QTMAN: variants seen among roughly 807,000 people sequenced by gnomAD.
QTMAN encodes the protein queuosine-tRNA mannosyltransferase.
chr2:144,239,451 ATC>A, the QTMAN span, among the ~76,000 whole-genome samples: 1 of 152,016 alleles, frequency 6.6e-6, no homozygotes, highest in South Asian at 2.1e-4. Flanking sequence ...TTTCTATGAC[ATC>A]TGTCATCTCA....
At chr2:144,303,939 A>G in the QTMAN span, among the ~76,000 whole-genome samples, 2 of 152,242 alleles carry the variant, frequency 1.3e-5, no homozygotes, top group Admixed American at 1.3e-4. Context: ...TCAGAGTTTT[A>G]GGAAGCCTGA....
At chr2:143,966,099 C>T in the QTMAN span, among the ~76,000 whole-genome samples, 1 of 152,128 alleles carries the variant, frequency 6.6e-6, no homozygotes, top group South Asian at 2.1e-4. Flanking sequence ...GTTATCAACT[C>T]CTGCTTTCTT....
the QTMAN span, among the ~76,000 whole-genome samples, chr2:144,328,910 G>A: frequency 6.6e-6 from 1 of 152,150 alleles, no homozygotes; most frequent in Admixed American, 6.5e-5. Context: ...AAAGAATGGA[G>A]TGTTGGTTTG....
chr2:144,048,870 A>G, the QTMAN span, among the ~76,000 whole-genome samples: 3 of 152,172 alleles, frequency 2.0e-5, no homozygotes, highest in African/African-American at 4.8e-5. Flanking sequence ...AAACATTTTC[A>G]CATAGGAACA....
At chr2:144,189,865 AC>A in the QTMAN span, among the ~76,000 whole-genome samples, 1 of 151,870 alleles carries the variant, frequency 6.6e-6, no homozygotes, top group Non-Finnish European at 1.5e-5. Flanking sequence ...CAGGTGATCC[AC>A]CCAACTCAGC....
At chr2:144,227,984 T>A in the QTMAN span, among the ~76,000 whole-genome samples, 1 of 152,190 alleles carries the variant, frequency 6.6e-6, no homozygotes, top group African/African-American at 2.4e-5. Context: ...AAACATCCCT[T>A]TCTAAAGAAA....
the QTMAN span, among the ~76,000 whole-genome samples, chr2:144,194,534 AT>A: frequency 6.6e-6 from 1 of 152,362 alleles, no homozygotes; most frequent in Admixed American, 6.5e-5. Flanking sequence ...GTAAGTTGGG[AT>A]TAGTCAGTAC....
chr2:144,177,004 G>A, the QTMAN span: 54 of 619,094 alleles, frequency 8.7e-5, no homozygotes, highest in Non-Finnish European at 1.7e-5. Flanking sequence ...GTCAGAGCAG[G>A]ACAAAGAGAG....
chr2:144,318,301 A>T, the QTMAN span, among the ~76,000 whole-genome samples: 9 of 152,176 alleles, frequency 5.9e-5, no homozygotes, highest in Middle Eastern at 3.4e-3. Flanking sequence ...TAATCACAGT[A>T]ATTCCAAATT....
At chr2:144,039,724 A>G in the QTMAN span, among the ~76,000 whole-genome samples, 1 of 152,086 alleles carries the variant, frequency 6.6e-6, no homozygotes, top group South Asian at 2.1e-4. Context: ...CCTATTTTTA[A>G]GTAGAGGTTT....
chr2:144,091,274 T>C, the QTMAN span, among the ~76,000 whole-genome samples: 1 of 152,060 alleles, frequency 6.6e-6, no homozygotes, highest in Non-Finnish European at 1.5e-5. Context: ...TAAATCTAAA[T>C]GTAAAACCTA....
chr2:143,974,905 C>T, the QTMAN span, among the ~76,000 whole-genome samples: 11 of 152,196 alleles, frequency 7.2e-5, no homozygotes, highest in African/African-American at 2.4e-4. Context: ...TTGACAGCTG[C>T]CAATCAAGAC....
At chr2:144,309,323 T>C in the QTMAN span, among the ~76,000 whole-genome samples, 3 of 152,072 alleles carry the variant, frequency 2.0e-5, no homozygotes, top group Non-Finnish European at 4.4e-5. Flanking sequence ...TGAATGCTCA[T>C]GGTAGTGTCA....
the QTMAN span, among the ~76,000 whole-genome samples, chr2:144,039,143 C>A: frequency 2.0e-5 from 3 of 152,104 alleles, no homozygotes; most frequent in South Asian, 4.1e-4. Context: ...AAAAAAAATT[C>A]TTCCCTTAAA....
At chr2:144,145,942 C>T in the QTMAN span, 4 of 237,874 alleles carry the variant, frequency 1.7e-5, no homozygotes, top group Middle Eastern at 1.3e-3. Flanking sequence ...ATAAAGTCCC[C>T]GAATCTCACT....
chr2:144,116,528 T>C, the QTMAN span, among the ~76,000 whole-genome samples: 1 of 152,148 alleles, frequency 6.6e-6, no homozygotes, highest in African/African-American at 2.4e-5. Flanking sequence ...ATTACAAAAA[T>C]AGAACTCCCG....
chr2:144,035,605 G>C, the QTMAN span, among the ~76,000 whole-genome samples: 1 of 151,970 alleles, frequency 6.6e-6, no homozygotes, highest in African/African-American at 2.4e-5. Flanking sequence ...AAAAAAAAAT[G>C]GTTATCAATT....
chr2:143,983,956 C>A, the QTMAN span, among the ~76,000 whole-genome samples: 2 of 152,112 alleles, frequency 1.3e-5, no homozygotes, highest in Non-Finnish European at 2.9e-5. Flanking sequence ...CTGAATTTTT[C>A]TTCTCAGGAT....
the QTMAN span, among the ~76,000 whole-genome samples, chr2:144,108,608 A>C: frequency 6.6e-6 from 1 of 151,880 alleles, no homozygotes; most frequent in South Asian, 2.1e-4. Context: ...ACTGCCCTCC[A>C]GCCTGGGCGA....
Sources: allele counts gnomAD v4.1 joint callset (sites outside exome capture counted in the v4.1 genomes callset), GRCh38; gene constraint gnomAD v4.1.1; transcripts MANE v1.5; gene names NCBI Gene and HGNC (gene_info 2026-07-23, HGNC 2026-07-21).